The following LINC00632 variants were observed in gnomAD, a reference collection of about 807,000 sequenced individuals.
LINC00632 encodes long independently transcribed non-coding RNA 632, also known as ALDOA related specific transcript.
chrX:140,719,522 C>T (rs148552588), intron 2 of LINC00632, among the ~76,000 whole-genome samples: 5,492 of 109,100 alleles, frequency 0.05, 147 homozygotes, highest in Middle Eastern at 0.091. Flanking sequence ...TCTCGAACTC[C>T]TGACCTCAGC....
intron 2 of LINC00632, among the ~76,000 whole-genome samples, chrX:140,722,617 T>C (rs2148379105): frequency 9.0e-6 from 1 of 110,846 alleles, no homozygotes; most frequent in South Asian, 3.8e-4. Context: ...TCTAACCCCA[T>C]GAAACCCATG....
At chrX:140,773,355 G>A (rs1401549662) in exon 4 of LINC00632, among the ~76,000 whole-genome samples, 1 of 112,307 alleles carries the variant, frequency 8.9e-6, no homozygotes, top group Non-Finnish European at 1.9e-5. Flanking sequence ...TGCCTGAGCA[G>A]GTTGTCAGTG....
chrX:140,774,137 G>C (rs1931843278), exon 4 of LINC00632, among the ~76,000 whole-genome samples: 1 of 112,158 alleles, frequency 8.9e-6, no homozygotes, highest in Admixed American at 9.5e-5. Flanking sequence ...ACCTTCAAAA[G>C]ATAGTTGAGA....
At chrX:140,738,395 A>G (rs1931177010) in intron 3 of LINC00632, among the ~76,000 whole-genome samples, 1 of 112,204 alleles carries the variant, frequency 8.9e-6, no homozygotes, top group East Asian at 2.8e-4. Context: ...ATATTGTTGT[A>G]ATTGTTGGAA....
At chrX:140,714,503 A>C (rs1395204823) in intron 2 of LINC00632, 1 of 112,549 alleles carries the variant, frequency 8.9e-6, no homozygotes, top group Non-Finnish European at 1.9e-5. Context: ...TTCATGTCAC[A>C]AAAGACACAC....
At chrX:140,724,388 C>T (rs779489375) in intron 2 of LINC00632, among the ~76,000 whole-genome samples, 129 of 2,002 alleles carry the variant, frequency 0.064, no homozygotes, top group African/African-American at 0.14. Context: ...AGTCCATGCA[C>T]ACACACAAAC....
intron 2 of LINC00632, among the ~76,000 whole-genome samples, chrX:140,724,128 TAC>T (rs1349617476): frequency 4.6e-5 from 3 of 65,115 alleles, no homozygotes; most frequent in South Asian, 7.1e-4. Context: ...ACACATTCCA[TAC>T]ACAGACACAT....
exon 5 of LINC00632, among the ~76,000 whole-genome samples, chrX:140,790,988 T>C (rs1408806083): frequency 8.9e-6 from 1 of 111,852 alleles, no homozygotes; most frequent in African/African-American, 3.2e-5. Flanking sequence ...TGTATCTATT[T>C]TTTTTTCTTT....
At chrX:140,762,502 G>C (rs770064304) in intron 3 of LINC00632, among the ~76,000 whole-genome samples, 2 of 112,281 alleles carry the variant, frequency 1.8e-5, no homozygotes, top group Non-Finnish European at 3.8e-5. Context: ...ATTTATCTAA[G>C]AAGGAAAATG....
At chrX:140,723,661 CCATAT>C (rs1475330920) in intron 2 of LINC00632, among the ~76,000 whole-genome samples, 4 of 20,713 alleles carry the variant, frequency 1.9e-4, no homozygotes, top group Admixed American at 9.0e-4. Context: ...CACACACATT[CCATAT>C]ACACACATTC....
chrX:140,716,780 T>TACACACACACAC (rs200811174), intron 2 of LINC00632, among the ~76,000 whole-genome samples: 1 of 89,813 alleles, frequency 1.1e-5, no homozygotes, highest in Non-Finnish European at 2.2e-5. Flanking sequence ...GCCCACAACA[T>TACACACACACAC]ACACACACAC....
intron 2 of LINC00632, among the ~76,000 whole-genome samples, chrX:140,717,071 G>A (rs181046588): frequency 0.02 from 2,177 of 109,288 alleles, 27 homozygotes; most frequent in African/African-American, 0.045. Context: ...TGCAGCCTCC[G>A]CCTCCCAGGT....
chrX:140,740,326 G>T (rs1275864051), intron 3 of LINC00632, among the ~76,000 whole-genome samples: 1 of 111,683 alleles, frequency 9.0e-6, no homozygotes, highest in African/African-American at 3.3e-5. Context: ...TGACTGAAGG[G>T]TCTAAGAAGG....
chrX:140,786,347 A>AT (rs1224756901), exon 5 of LINC00632, among the ~76,000 whole-genome samples: 6 of 111,861 alleles, frequency 5.4e-5, no homozygotes, highest in Non-Finnish European at 1.1e-4. Context: ...TTGGAAAATT[A>AT]TTTATCAATT....
chrX:140,722,657 T>C (rs1247097834), intron 2 of LINC00632, among the ~76,000 whole-genome samples: 1 of 110,784 alleles, frequency 9.0e-6, no homozygotes, highest in East Asian at 2.8e-4. Context: ...ACGCCTTATA[T>C]CACCCAGTCT....
At chrX:140,789,884 TTGTC>T (rs769734562) in exon 5 of LINC00632, among the ~76,000 whole-genome samples, 1 of 111,205 alleles carries the variant, frequency 9.0e-6, no homozygotes, top group Admixed American at 9.6e-5. Context: ...TGTTTATCAT[TTGTC>T]TTTTAAATTT....
exon 5 of LINC00632, among the ~76,000 whole-genome samples, chrX:140,787,127 T>C (rs1262487153): frequency 9.0e-6 from 1 of 111,166 alleles, no homozygotes; most frequent in Non-Finnish European, 1.9e-5. Flanking sequence ...TTCTTGTACA[T>C]GGAATCAAGC....
chrX:140,758,748 T>C (rs1931536307), intron 3 of LINC00632, among the ~76,000 whole-genome samples: 1 of 110,835 alleles, frequency 9.0e-6, no homozygotes, highest in Non-Finnish European at 1.9e-5. Context: ...ATATTTGCTC[T>C]CCTAATTTCT....
intron 1 of LINC00632, among the ~76,000 whole-genome samples, chrX:140,710,464 AAATT>A (rs1930492108): frequency 9.0e-6 from 1 of 111,367 alleles, no homozygotes; most frequent in Non-Finnish European, 1.9e-5. Context: ...TCATTGGAAA[AAATT>A]AATTTGTATT....
Sources: gnomAD v4.1 joint callset for allele counts (sites outside exome capture counted in the v4.1 genomes callset) on GRCh38, gnomAD v4.1.1 for gene constraint, MANE v1.5 for transcripts, NCBI Gene and HGNC (gene_info 2026-07-23, HGNC 2026-07-21) for gene names.